RBFOX1: variants seen among roughly 807,000 people sequenced by gnomAD.
RBFOX1 encodes the protein RNA binding protein fox-1 homolog 1.
RBFOX1 carries 8 observed loss-of-function variants against 57.7 expected under a neutral mutation model. The ratio of observed to expected loss-of-function variants is 0.14; its 90% confidence interval spans 0.08 to 0.25. RBFOX1 has a LOEUF of 0.25. Ranked by LOEUF, RBFOX1 falls within the 10% of genes least tolerant of loss-of-function variation. The probability of loss-of-function intolerance (pLI) is 1.00; values close to 1 mark genes in which losing one functional copy is unlikely to be tolerated. For synonymous variants in RBFOX1, 326 were observed against 222.4 expected (o/e 1.47, Z -4.15); for missense variants, 611 against 548.5 (o/e 1.11, Z -1.14).
chr16:6,867,165 G>A (rs563845789), intron 3 of RBFOX1, among the ~76,000 whole-genome samples: 1 of 152,112 alleles, frequency 6.6e-6, no homozygotes, highest in Non-Finnish European at 1.5e-5. Flanking sequence ...CAGAAGTTTT[G>A]TGAGTTTTCT....
chr16:7,040,146 G>A (rs555437278), intron 3 of RBFOX1, among the ~76,000 whole-genome samples: 11 of 151,374 alleles, frequency 7.3e-5, no homozygotes, highest in Non-Finnish European at 5.9e-5. Context: ...TCAGCCTCCC[G>A]AGTAGCTGGG....
chr16:6,930,676 C>T (rs542197583), intron 3 of RBFOX1, among the ~76,000 whole-genome samples: 3 of 152,182 alleles, frequency 2.0e-5, no homozygotes, highest in African/African-American at 7.2e-5. Context: ...TCCCAAGTTG[C>T]TGGGATTACA....
chr16:7,550,897 C>A (rs930663588), intron 5 of RBFOX1, among the ~76,000 whole-genome samples: 2 of 151,892 alleles, frequency 1.3e-5, no homozygotes, highest in African/African-American at 2.4e-5. Context: ...AGTTTCAGAC[C>A]AGCCTGGCCA....
At chr16:6,121,216 A>G (rs1292832130) in intron 1 of RBFOX1, among the ~76,000 whole-genome samples, 2 of 152,170 alleles carry the variant, frequency 1.3e-5, no homozygotes, top group Non-Finnish European at 2.9e-5. Flanking sequence ...TGTACAAGAC[A>G]CGCCTGAAGA....
chr16:6,835,342 C>G (rs1313345391), intron 3 of RBFOX1, among the ~76,000 whole-genome samples: 1 of 152,132 alleles, frequency 6.6e-6, no homozygotes, highest in Non-Finnish European at 1.5e-5. Context: ...GCATAGACTC[C>G]TTGATATTTT....
At chr16:7,164,593 G>C (rs1226320653) in intron 4 of RBFOX1, among the ~76,000 whole-genome samples, 1 of 152,132 alleles carries the variant, frequency 6.6e-6, no homozygotes, top group Non-Finnish European at 1.5e-5. Context: ...CTCTTGTCTA[G>C]AGAAAACCAC....
rs1421766761 is a variant in RBFOX1 at position 6,927,263 on chromosome 16, A to G, written c.-15-124794A>G. Among the ~76,000 whole-genome samples, 9 of 151,546 alleles carry G rather than the reference A, an allele frequency of 5.9e-5. No individual in the cohort carries two copies. In the East Asian group the frequency reaches 1.8e-3, roughly 30 times the overall value. On this transcript the variant is annotated intron_variant, in intron 3 of 15. Coordinates refer to ENST00000550418, the MANE Select transcript of RBFOX1 (RefSeq NM_018723.4). ...TCCCATCTCTACTAAAAATAGAGAA[A>G]TTTGCCAGGTGTGGTGACACACACC...
rs192182957 is a variant in RBFOX1 at position 6,539,228 on chromosome 16, A to T, written c.-63-115375A>T. ...TATGATGGAGGCACTTATAGGTTTA[A>T]ACCCTAATTATGCCACTTGGTAGTG... On this transcript the variant is annotated intron_variant, in intron 2 of 15. Coordinates refer to ENST00000550418, the MANE Select transcript of RBFOX1 (RefSeq NM_018723.4). 6.6e-5 allele frequency among the ~76,000 whole-genome samples: 10 copies of T among 152,266 alleles called. No individual in the cohort carries two copies. In the East Asian group the frequency reaches 1.7e-3, roughly 26 times the overall value.
chr16:7,346,814 C>G (rs1439126847), intron 4 of RBFOX1, among the ~76,000 whole-genome samples: 1 of 152,126 alleles, frequency 6.6e-6, no homozygotes, highest in Non-Finnish European at 1.5e-5. Context: ...CATTCTGAAT[C>G]TCAAGAAACC....
chr16:5,490,979 T>G (rs1421277029), intron 2 of RBFOX1, among the ~76,000 whole-genome samples: 7 of 152,182 alleles, frequency 4.6e-5, no homozygotes, highest in Admixed American at 6.5e-5. Context: ...TATATATTTT[T>G]TTCCATATAG....
intron 5 of RBFOX1, among the ~76,000 whole-genome samples, chr16:7,552,190 C>T (rs1158899868): frequency 1.3e-5 from 2 of 152,010 alleles, no homozygotes; most frequent in African/African-American, 4.8e-5. Flanking sequence ...ATTTTGTTTC[C>T]TGATTTCTCT....
intron 13 of RBFOX1, among the ~76,000 whole-genome samples, chr16:7,668,360 G>T (rs28541773): frequency 6.6e-6 from 1 of 152,206 alleles, no homozygotes; most frequent in Non-Finnish European, 1.5e-5. Flanking sequence ...GGATTGAACA[G>T]AGAGGGACAG....
At chr16:7,169,154 G>C (rs150262520) in intron 4 of RBFOX1, among the ~76,000 whole-genome samples, 8 of 152,218 alleles carry the variant, frequency 5.3e-5, no homozygotes, top group African/African-American at 1.7e-4. Flanking sequence ...ACCAATAATT[G>C]TTTCAAATTT....
chr16:7,081,416 T>G (rs569090842), intron 4 of RBFOX1, among the ~76,000 whole-genome samples: 16 of 152,322 alleles, frequency 1.1e-4, no homozygotes, highest in Admixed American at 1.0e-3. Flanking sequence ...TCCTAAACTT[T>G]AGCTATTATA....
At chr16:7,542,015 T>G (rs908804376) in intron 5 of RBFOX1, among the ~76,000 whole-genome samples, 1 of 152,204 alleles carries the variant, frequency 6.6e-6, no homozygotes, top group African/African-American at 2.4e-5. Flanking sequence ...GTTTTCCTTC[T>G]CTTTTGACCT....
intron 4 of RBFOX1, among the ~76,000 whole-genome samples, chr16:5,935,318 C>T (rs2059146230): frequency 6.6e-6 from 1 of 152,152 alleles, no homozygotes; most frequent in African/African-American, 2.4e-5. Flanking sequence ...CATGGGGCCA[C>T]ATGGGGACAC....
chr16:6,871,057 G>A (rs1347318574), intron 3 of RBFOX1, among the ~76,000 whole-genome samples: 3 of 152,204 alleles, frequency 2.0e-5, no homozygotes, highest in South Asian at 2.1e-4. Context: ...GTATAAAGTA[G>A]GCAGAGTCTT....
intron 2 of RBFOX1, among the ~76,000 whole-genome samples, chr16:5,503,322 C>A (rs1250114763): frequency 6.6e-6 from 1 of 152,198 alleles, no homozygotes; most frequent in Non-Finnish European, 1.5e-5. Flanking sequence ...ACCACTGTCC[C>A]CCACTCTTGA....
chr16:6,540,265 A>G (rs17192054), intron 2 of RBFOX1, among the ~76,000 whole-genome samples: 42,807 of 151,336 alleles, frequency 0.28, 7,009 homozygotes, highest in Middle Eastern at 0.43. Flanking sequence ...TTCTCCCTCA[A>G]TTGTTCTTTA....
Sources: gnomAD v4.1 joint callset for allele counts (sites outside exome capture counted in the v4.1 genomes callset) on GRCh38, gnomAD v4.1.1 for gene constraint, MANE v1.5 for transcripts, NCBI Gene and HGNC (gene_info 2026-07-23, HGNC 2026-07-21) for gene names.